MYO1E: variants seen among roughly 807,000 people sequenced by gnomAD.
MYO1E encodes the protein myosin IE.
A neutral mutation model predicts 151.1 loss-of-function variants in MYO1E; 68 were observed. The ratio of observed to expected loss-of-function variants is 0.45; its 90% confidence interval spans 0.37 to 0.55. The LOEUF is 0.55. Ranked by LOEUF, MYO1E falls within the 20% of genes least tolerant of loss-of-function variation. The pLI is 0.00. For missense variants in MYO1E, 1,363 were observed against 1,389.3 expected, an observed-to-expected ratio of 0.98 and a Z score of 0.30; for synonymous variants, 601 against 501.7, an observed-to-expected ratio of 1.20 and a Z score of -2.64.
intron 12 of MYO1E, among the ~76,000 whole-genome samples, chr15:59,213,169 ATT>A (rs2079891436): frequency 3.4e-5 from 5 of 147,292 alleles, no homozygotes; most frequent in Non-Finnish European, 7.5e-5. Flanking sequence ...TATTATTATT[ATT>A]ATTATTATTA....
intron 1 of MYO1E, among the ~76,000 whole-genome samples, chr15:59,325,927 G>A (rs577325247): frequency 8.5e-5 from 13 of 152,274 alleles, no homozygotes; most frequent in African/African-American, 3.1e-4. Flanking sequence ...AATCAGGGCT[G>A]TCCAGTGAAT....
At position 59,133,965 on chromosome 15, in the gene MYO1E, A is replaced by G. The variant is rs1461339196; in HGVS notation, c.*3415T>C. 1 of 152,264 alleles carries G rather than the reference A, an allele frequency of 6.6e-6. No individual in the cohort carries two copies. Among genetic ancestry groups the G allele is most frequent in the African/African-American group, 2.4e-5 (1 of 41,464 alleles). 9.4% of individuals were successfully genotyped at this position (152,264 alleles called of 1,614,324 possible). A position where few individuals can be genotyped will look rare whatever the true frequency, so the allele number is the denominator to read the frequency against. On this transcript the variant is annotated 3_prime_UTR_variant, in exon 28 of 28. Transcript: ENST00000288235. ...GAAGCCCATGGAGTTTGTAATTCATAAAGGCACATCCATATTTTCTCTTAC... is the reference window on the plus strand; with the variant it reads ...GAAGCCCATGGAGTTTGTAATTCATGAAGGCACATCCATATTTTCTCTTAC...
intron 1 of MYO1E, among the ~76,000 whole-genome samples, chr15:59,353,320 G>GTACTCCA (rs1293760588): frequency 7.9e-6 from 1 of 126,024 alleles, no homozygotes; most frequent in East Asian, 2.3e-4. Flanking sequence ...TGGCACCACT[G>GTACTCCA]TACTCCAGCC....
At chr15:59,143,829 C>T (rs1484109931) in intron 26 of MYO1E, among the ~76,000 whole-genome samples, 1 of 152,206 alleles carries the variant, frequency 6.6e-6, no homozygotes, top group Non-Finnish European at 1.5e-5. Context: ...TGGCCTCTGC[C>T]CACTTCCCAG....
intron 1 of MYO1E, among the ~76,000 whole-genome samples, chr15:59,345,691 T>C (rs577111206): frequency 1.8e-4 from 28 of 152,318 alleles, no homozygotes; most frequent in Admixed American, 1.8e-3. Flanking sequence ...AGAACATTGT[T>C]AACAGCTGGC....
intron 17 of MYO1E, among the ~76,000 whole-genome samples, chr15:59,194,642 C>A (rs1334560055): frequency 6.6e-6 from 1 of 152,188 alleles, no homozygotes; most frequent in Non-Finnish European, 1.5e-5. Context: ...TACTAGGTGA[C>A]GATGGCTAGG....
Position 59,173,840 on chromosome 15 carries a change from C to G in MYO1E, c.2240G>C (p.Gly747Ala). The change falls in exon 21 of 28, where the codon GGG (glycine) becomes GCG (alanine). Residue 747 changes from glycine (G) to alanine (A), a missense_variant. By Grantham distance (60) the Gly-to-Ala change is moderately conservative. Transcript: ENST00000288235. ...INRNFIGDYIGMEEHPELQQF... is the reference protein window; with the variant it reads ...INRNFIGDYIAMEEHPELQQF... ...CTGGAGTTCTGGGTGCTCTTCCATC[C>G]CAATATAATCCCCTATAAAGTTCCT... 1 of 1,614,036 alleles carries G rather than the reference C, an allele frequency of 6.2e-7. No individual in the cohort carries two copies. Among genetic ancestry groups the G allele is most frequent in the Non-Finnish European group, 8.5e-7 (1 of 1,179,954 alleles).
chr15:59,233,890 C>CA (rs11445698), intron 5 of MYO1E, among the ~76,000 whole-genome samples: 117,812 of 147,590 alleles, frequency 0.8, 47,639 homozygotes, highest in Middle Eastern at 0.85. Flanking sequence ...GACTTAGTAC[C>CA]AAAAAAAAAA....
chr15:59,279,283 C>A (rs192440800), intron 1 of MYO1E, among the ~76,000 whole-genome samples: 89 of 152,288 alleles, frequency 5.8e-4, no homozygotes, highest in African/African-American at 2.1e-3. Flanking sequence ...CTGGAATCAA[C>A]CTTCCTAGAA....
chr15:59,192,696 G>C (rs2079741382), intron 17 of MYO1E, among the ~76,000 whole-genome samples: 1 of 152,230 alleles, frequency 6.6e-6, no homozygotes, highest in South Asian at 2.1e-4. Flanking sequence ...TTTGAAATGG[G>C]GGAAGGTGGG....
At chr15:59,262,311 G>GTTA in intron 2 of MYO1E, among the ~76,000 whole-genome samples, 1 of 152,172 alleles carries the variant, frequency 6.6e-6, no homozygotes, top group East Asian at 1.9e-4. Context: ...GAATTAAAAG[G>GTTA]CATCAATGAG....
intron 23 of MYO1E, among the ~76,000 whole-genome samples, chr15:59,162,831 T>G (rs79439807): frequency 6.6e-6 from 1 of 152,134 alleles, no homozygotes. Context: ...ATTCTACTCC[T>G]GTCTGCTCTC....
At chr15:59,287,992 CG>C (rs1567003701) in intron 1 of MYO1E, among the ~76,000 whole-genome samples, 1 of 152,210 alleles carries the variant, frequency 6.6e-6, no homozygotes, top group African/African-American at 2.4e-5. Context: ...GCAGCGAAGG[CG>C]CTCAGCGAGC....
chr15:59,158,734 G>A (rs1596345754), intron 24 of MYO1E, among the ~76,000 whole-genome samples: 1 of 152,354 alleles, frequency 6.6e-6, no homozygotes, highest in African/African-American at 2.4e-5. Context: ...AAGTGGCTGA[G>A]CAGGTTCACT....
intron 16 of MYO1E, among the ~76,000 whole-genome samples, chr15:59,197,386 TAG>T (rs780616686): frequency 5.3e-5 from 8 of 152,202 alleles, no homozygotes; most frequent in Non-Finnish European, 1.2e-4. Context: ...TAAGAAAACA[TAG>T]AGAGGCAAGT....
chr15:59,267,351 G>A (rs1186116492), intron 2 of MYO1E, among the ~76,000 whole-genome samples: 2 of 152,212 alleles, frequency 1.3e-5, no homozygotes, highest in African/African-American at 4.8e-5. Flanking sequence ...AATAGTCAGT[G>A]AATTTCCCAA....
chr15:59,164,642 G>A (rs1031313953), intron 22 of MYO1E, among the ~76,000 whole-genome samples: 3 of 152,192 alleles, frequency 2.0e-5, no homozygotes, highest in Non-Finnish European at 4.4e-5. Context: ...CATTTAGAAG[G>A]AAACTCCTGT....
intron 12 of MYO1E, chr15:59,212,605 C>G (rs994505545): frequency 2.0e-5 from 3 of 152,154 alleles, no homozygotes; most frequent in Non-Finnish European, 4.4e-5. Context: ...AAATCCAAAA[C>G]AATGGTGTCT....
At chr15:59,207,191 G>C (rs763817325) in intron 14 of MYO1E, 1 of 1,614,214 alleles carries the variant, frequency 6.2e-7, no homozygotes, top group Admixed American at 1.7e-5. Flanking sequence ...GGCATGGCCT[G>C]CGCTATCAGC....
Sources: allele counts gnomAD v4.1 joint callset (sites outside exome capture counted in the v4.1 genomes callset), GRCh38; gene constraint gnomAD v4.1.1; transcripts MANE v1.5; gene names NCBI Gene and HGNC (gene_info 2026-07-23, HGNC 2026-07-21).